The following HCN2 variants were observed in gnomAD, a reference collection of about 807,000 sequenced individuals.
HCN2 encodes potassium/sodium hyperpolarization-activated cyclic nucleotide-gated channel 2.
In HCN2, 20 loss-of-function variants were observed where a neutral mutation model predicts 52.3. The ratio of observed to expected loss-of-function variants is 0.38; its 90% CI spans 0.27 to 0.56. The LOEUF (loss-of-function observed/expected upper bound fraction) is 0.56. Among genes scored for constraint, HCN2 ranks in the 20% least tolerant of loss-of-function variants. HCN2 has a pLI of 0.71. For synonymous variants in HCN2, 694 were observed against 537.0 expected, an observed-to-expected ratio of 1.29 and a Z score of -4.04; for missense variants, 981 against 1,207.7, an observed-to-expected ratio of 0.81 and a Z score of 2.78.
chr19:616,537 C>G lies in HCN2; in HGVS notation c.*63C>G. On this transcript the variant is annotated 3_prime_UTR_variant, in exon 8 of 8. Coordinates refer to ENST00000251287, the MANE Select transcript of HCN2 (RefSeq NM_001194.4). ...GGCGGGGCCGTCATCCAGACCAAAGCCATGCCATTGCGCTGCCCCGGCCGC... is the reference window on the plus strand; with the variant it reads ...GGCGGGGCCGTCATCCAGACCAAAGGCATGCCATTGCGCTGCCCCGGCCGC... The G allele has an allele frequency of 1.0e-6, 1 of 994,622 alleles. No individual in the cohort carries two copies. The highest frequency in any genetic ancestry group is 4.8e-5 in the East Asian group (1 of 20,792). The allele number at this position is 994,622 out of a possible 1,614,324, so 61.6% of individuals were successfully genotyped here. A position where few individuals can be genotyped will look rare whatever the true frequency, so the allele number is the denominator to read the frequency against.
At chr19:597,446 A>C (rs1983062606) in intron 1 of HCN2, among the ~76,000 whole-genome samples, 1 of 152,134 alleles carries the variant, frequency 6.6e-6, no homozygotes, top group Non-Finnish European at 1.5e-5. Flanking sequence ...AAAACCAGGT[A>C]CCCCTTGGCG....
rs376972826 is a variant in HCN2, at chr19:607,987, C to T, written c.1242C>T (p.Tyr414=). The change falls in exon 4 of 8, where the codon TAC becomes TAT. Residue 414 remains tyrosine (Y), a synonymous_variant. Coordinates refer to ENST00000251287, the MANE Select transcript of HCN2 (RefSeq NM_001194.4). ...AGAACCACTCGTGGAGTGAACTGTACTCCTTCGCACTCTTCAAGGCCATGA... is the reference window on the plus strand; with the variant it reads ...AGAACCACTCGTGGAGTGAACTGTATTCCTTCGCACTCTTCAAGGCCATGA... The part of the protein sequence containing the change: ...GMVNHSWSEL[Y]SFALFKAMSH... 1 of 1,612,476 alleles carries T rather than the reference C, an allele frequency of 6.2e-7. No homozygotes were observed. Among genetic ancestry groups the T allele is most frequent in the Non-Finnish European group, 8.5e-7 (1 of 1,179,972 alleles).
chr19:615,811 C>A lies in HCN2; in HGVS notation c.2007C>A (p.Ile669=), dbSNP rs769663270. The A allele has an allele frequency of 1.2e-6, 2 of 1,611,884 alleles. No homozygotes were observed. Among genetic ancestry groups the A allele is most frequent in the Non-Finnish European group, 8.5e-7 (1 of 1,179,620 alleles). ...RLDRIGKKNS[I]LLHKVQHDLN... ...CTCCCGCAGGCAAGAAGAATTCCAT[C>A]CTCCTGCACAAGGTGCAGCATGACC... Residue 669 remains isoleucine (I), a synonymous_variant, in exon 8 of 8, where the codon ATC becomes ATA. Transcript: ENST00000251287.
rs1227570010 is a variant in HCN2 at position 615,618 on chromosome 19, C to T, written c.1991-177C>T. 4.6e-5 allele frequency among the ~76,000 whole-genome samples: 7 copies of T among 152,220 alleles called. No homozygotes were observed. In the East Asian group the frequency reaches 1.3e-3, roughly 29 times the overall value. On this transcript the variant is annotated intron_variant, in intron 7 of 7. Transcript: ENST00000251287. ...CCTGTATATGGCAGGTACTCAATAT[C>T]CATACTATAGGCCAGAGATGCTACA...
At chr19:601,427 G>C (rs1983197781) in intron 1 of HCN2, among the ~76,000 whole-genome samples, 2 of 152,226 alleles carry the variant, frequency 1.3e-5, no homozygotes, top group African/African-American at 4.8e-5. Flanking sequence ...TTCCATGGTG[G>C]ACGGGTCGCG....
At chr19:604,702 TTTTGCTGGGGCAGGGC>T (rs1297381508) in intron 2 of HCN2, among the ~76,000 whole-genome samples, 67 of 97,410 alleles carry the variant, frequency 6.9e-4, no homozygotes, top group East Asian at 1.8e-3. Flanking sequence ...GCAATGCGGG[TTTTGCTGGGGCAGGGC>T]CAGACATCAG....
intron 3 of HCN2, among the ~76,000 whole-genome samples, chr19:606,213 G>A (rs920765976): frequency 2.6e-5 from 4 of 151,954 alleles, no homozygotes; most frequent in African/African-American, 7.3e-5. Flanking sequence ...GGATTCTCTC[G>A]CCTCAGCCTC....
At position 615,811 on chromosome 19, in the gene HCN2, C is replaced by T. The variant is rs769663270; in HGVS notation, c.2007C>T (p.Ile669=). 2.5e-5 allele frequency: 41 copies of T among 1,611,884 alleles called. No homozygotes were observed. Among genetic ancestry groups the T allele is most frequent in the East Asian group, 2.0e-4 (9 of 44,834 alleles). ...CTCCCGCAGGCAAGAAGAATTCCAT[C>T]CTCCTGCACAAGGTGCAGCATGACC... is the stretch of plus-strand genomic sequence containing the variant. ...RLDRIGKKNS[I]LLHKVQHDLN... Residue 669 remains isoleucine, a synonymous_variant, in exon 8 of 8, where the codon ATC becomes ATT. Coordinates refer to ENST00000251287, the MANE Select transcript of HCN2 (RefSeq NM_001194.4).
In HCN2 at chr19:590,158, G is replaced by T. The variant is rs911272816; in HGVS notation, c.213G>T (p.Pro71=). Residue 71 remains proline, a synonymous_variant, in exon 1 of 8, where the codon CCG becomes CCT. Transcript: ENST00000251287. The surrounding 1 kb of genome is among the most constrained non-coding windows in gnomAD (Gnocchi z 7.2). The part of the protein sequence containing the change: ...LPPEAADEGG[P]RGRLRSRDSS... Reference sequence around the variant, plus strand: ...CGGAGGCGGCGGATGAGGGCGGCCCGCGGGGCCGGCTCCGCAGCCGCGACA... The same window carrying T: ...CGGAGGCGGCGGATGAGGGCGGCCCTCGGGGCCGGCTCCGCAGCCGCGACA... 9.4e-4 allele frequency: 913 copies of T among 975,020 alleles called. 7 individuals carry two copies. In the African/African-American group the frequency reaches 0.015, roughly 16 times the overall value. The allele number at this position is 975,020 out of a possible 1,614,324, so 60.4% of individuals were successfully genotyped here.
At chr19:613,583 ATGGGGATGGGGATGGGGATGGGGCCGGG>A (rs1983745386) in intron 6 of HCN2, 95 bp downstream of exon 6, 3 of 75,216 alleles carry the variant, frequency 4.0e-5, no homozygotes, top group African/African-American at 1.5e-4. Flanking sequence ...GGGGCCGGGG[ATGGGGATGGGGATGGGGATGGGGCCGGG>A]GATGGGGATG....
In HCN2 at chr19:589,911, C is replaced by T. The variant is rs1473191508; in HGVS notation, c.-35C>T. 6 of 867,038 alleles carry T rather than the reference C, an allele frequency of 6.9e-6. No individual in the cohort carries two copies. Among genetic ancestry groups the T allele is most frequent in the Non-Finnish European group, 6.8e-6 (5 of 737,382 alleles). 53.7% of individuals were successfully genotyped at this position (867,038 alleles called of 1,614,324 possible). A position where few individuals can be genotyped will look rare whatever the true frequency, so the allele number is the denominator to read the frequency against. ...GGGCTCCGGCCGGCGGCGGCGGCGG[C>T]GGCTCCGCTCCGCACTGCCCGGCGC... On this transcript the variant is annotated 5_prime_UTR_variant, in exon 1 of 8. Transcript: ENST00000251287.
intron 1 of HCN2, among the ~76,000 whole-genome samples, chr19:596,405 C>G (rs949308757): frequency 2.0e-5 from 3 of 152,148 alleles, no homozygotes; most frequent in Admixed American, 6.5e-5. Flanking sequence ...GGTGTGAGAG[C>G]TGAGGCCGGA....
At chr19:606,374 T>G (rs1983428921) in intron 3 of HCN2, among the ~76,000 whole-genome samples, 1 of 151,882 alleles carries the variant, frequency 6.6e-6, no homozygotes, top group South Asian at 2.1e-4. Context: ...GTGTTGGGAT[T>G]ACAGGCGTGA....
rs1376661915 is a variant in HCN2, at chr19:603,892, C to G, written c.981C>G (p.Arg327=). ...CGGCACGCGCCCTGCGCATCGTGCGCTTCACCAAGATCCTCAGCCTCCTGC... is the reference window on the plus strand; with the variant it reads ...CGGCACGCGCCCTGCGCATCGTGCGGTTCACCAAGATCCTCAGCCTCCTGC... ...YKTARALRIV[R]FTKILSLLRL... Residue 327 remains arginine (R), a synonymous_variant, in exon 2 of 8, where the codon CGC becomes CGG. Coordinates refer to ENST00000251287, the MANE Select transcript of HCN2 (RefSeq NM_001194.4). The G allele has an allele frequency of 2.5e-6, 4 of 1,612,264 alleles. No homozygotes were observed. The highest frequency in any genetic ancestry group is 8.5e-7 in the Non-Finnish European group (1 of 1,179,762).
In HCN2 at chr19:616,416, C is replaced by A. The variant is rs1400888673; in HGVS notation, c.2612C>A (p.Ala871Asp). The A allele has an allele frequency of 9.7e-6, 12 of 1,239,452 alleles. No individual in the cohort carries two copies. The highest frequency in any genetic ancestry group is 1.2e-5 in the Non-Finnish European group (12 of 989,046). 76.8% of individuals were successfully genotyped at this position (1,239,452 alleles called of 1,614,324 possible). A position where few individuals can be genotyped will look rare whatever the true frequency, so the allele number is the denominator to read the frequency against. ...CGCAGGGACTCGGCCTCACCCGGCG[C>A]CGCCGGCGGCCTGGACCCCCAGGAC... is the stretch of plus-strand genomic sequence containing the variant. ...PDRRDSASPG[A>D]AGGLDPQDSA... is the part of the protein sequence containing the mutation. Residue 871 changes from alanine to aspartate, a missense_variant, in exon 8 of 8, where the codon GCC (alanine) becomes GAC (aspartate). Physicochemically the swap from Ala to Asp is moderately radical, Grantham distance 126. Around this residue, in one of 6 missense-constraint regions of HCN2, gnomAD observed 368 missense variants for 314.8 expected, o/e 1.17. Transcript: ENST00000251287.
Position 616,660 on chromosome 19 carries a change from CCCT to C in HCN2, c.*188_*190del. The C allele has an allele frequency of 3.8e-6, 1 of 262,588 alleles. No individual in the cohort carries two copies. The highest frequency in any genetic ancestry group is 2.3e-5 in the African/African-American group (1 of 43,714). 16.3% of individuals were successfully genotyped at this position (262,588 alleles called of 1,614,324 possible). On this transcript the variant is annotated 3_prime_UTR_variant, in exon 8 of 8. Transcript: ENST00000251287. Reference sequence around the variant, plus strand: ...CCCCCTCCGCGCCCCCGGCCGTCCCCCCTCATCGCCCCGCGCCCACCCCCATCG... The same window carrying C: ...CCCCCTCCGCGCCCCCGGCCGTCCCCCATCGCCCCGCGCCCACCCCCATCG...
At chr19:598,119 C>T (rs1345177826) in intron 1 of HCN2, among the ~76,000 whole-genome samples, 1 of 152,196 alleles carries the variant, frequency 6.6e-6, no homozygotes, top group Non-Finnish European at 1.5e-5. Context: ...CGGGTGGCAT[C>T]CCCTCAGCCC....
intron 6 of HCN2, 125 bp downstream of exon 6, chr19:613,613 ATGG>A (rs1568368672): frequency 2.3e-5 from 1 of 44,424 alleles, no homozygotes; most frequent in African/African-American, 2.4e-4. Flanking sequence ...GGGGCCGGGG[ATGG>A]GGATGGGGAT....
intron 4 of HCN2, among the ~76,000 whole-genome samples, chr19:610,054 C>CT (rs532013317): frequency 6.7e-6 from 1 of 149,748 alleles, no homozygotes; most frequent in Admixed American, 6.6e-5. Context: ...CAGCCCTGAC[C>CT]CCCCACAGTA....
Sources: gnomAD v4.1 joint callset for allele counts (sites outside exome capture counted in the v4.1 genomes callset) on GRCh38, gnomAD v4.1.1 for gene constraint, gnomAD v4.1.1 regional missense constraint, Gnocchi (gnomAD v3.1) non-coding constraint, MANE v1.5 for transcripts, NCBI Gene and HGNC (gene_info 2026-07-23, HGNC 2026-07-21) for gene names.